SHISA6: variants seen among roughly 807,000 people sequenced by gnomAD.
SHISA6 encodes the protein protein shisa-6.
SHISA6 carries 22 observed loss-of-function variants against 47.9 expected under a neutral mutation model. The ratio of observed to expected loss-of-function variants is 0.46; its 90% CI spans 0.33 to 0.66. SHISA6 has a LOEUF of 0.66. Among genes scored for constraint, SHISA6 ranks in the 30% least tolerant of loss-of-function variants. SHISA6 has a pLI of 0.02. For missense variants in SHISA6, 680 were observed against 764.6 expected (o/e 0.89, Z 1.30); for synonymous variants, 388 against 337.8 (o/e 1.15, Z -1.63).
In SHISA6 at chr17:11,563,520, A is replaced by G. The variant is rs2072065244; in HGVS notation, c.*5216A>G. ...TAATGTTGTGGCTGTGTGTTTCCTT[A>G]ATGCTCTCCCTCCTGAGGGAGGAGA... is the stretch of plus-strand genomic sequence containing the variant. On this transcript the variant is annotated 3_prime_UTR_variant, in exon 6 of 6. Transcript: ENST00000441885. 1 of 152,082 alleles carries G rather than the reference A, an allele frequency of 6.6e-6. No homozygotes were observed. The highest frequency in any genetic ancestry group is 1.5e-5 in the Non-Finnish European group (1 of 68,038). 9.4% of individuals were successfully genotyped at this position (152,082 alleles called of 1,614,324 possible).
At chr17:11,509,331 G>A (rs1438320527) in intron 3 of SHISA6, among the ~76,000 whole-genome samples, 6 of 152,182 alleles carry the variant, frequency 3.9e-5, no homozygotes, top group African/African-American at 7.2e-5. Flanking sequence ...CATAGTCAAC[G>A]ACAGCATCAC....
At chr17:11,326,502 C>CT (rs1910900948) in intron 2 of SHISA6, among the ~76,000 whole-genome samples, 1 of 152,184 alleles carries the variant, frequency 6.6e-6, no homozygotes, top group African/African-American at 2.4e-5. Context: ...ATTCTATGGT[C>CT]TATCAGAAAC....
chr17:11,522,090 C>T (rs552380777), intron 3 of SHISA6, among the ~76,000 whole-genome samples: 308 of 151,364 alleles, frequency 2.0e-3, no homozygotes, highest in Non-Finnish European at 3.6e-3. Context: ...CTCAGCCTCC[C>T]GAGTAGCTGG....
intron 2 of SHISA6, among the ~76,000 whole-genome samples, chr17:11,292,375 G>T (rs151262940): frequency 6.6e-6 from 1 of 151,952 alleles, no homozygotes; most frequent in Non-Finnish European, 1.5e-5. Flanking sequence ...CTTGATAGGT[G>T]CAGGAAAACA....
intron 1 of SHISA6, among the ~76,000 whole-genome samples, chr17:11,245,544 C>G (rs1043840895): frequency 2.0e-5 from 3 of 152,160 alleles, no homozygotes; most frequent in Non-Finnish European, 4.4e-5. Context: ...CCTGTTCCTT[C>G]CTCCTCACCC....
intron 2 of SHISA6, among the ~76,000 whole-genome samples, chr17:11,274,412 G>A (rs1392650439): frequency 1.3e-5 from 2 of 152,232 alleles, no homozygotes; most frequent in Non-Finnish European, 2.9e-5. Context: ...AAGCAACAGA[G>A]CGCGGTGCAG....
intron 3 of SHISA6, among the ~76,000 whole-genome samples, chr17:11,488,089 G>A (rs1161634343): frequency 1.3e-5 from 2 of 152,148 alleles, no homozygotes; most frequent in African/African-American, 2.4e-5. Flanking sequence ...CGTTTCCAAC[G>A]GAGCCAAACT....
intron 2 of SHISA6, among the ~76,000 whole-genome samples, chr17:11,264,784 T>A (rs908318493): frequency 4.6e-5 from 7 of 152,242 alleles, no homozygotes; most frequent in Non-Finnish European, 8.8e-5. Context: ...TTTTCTTAAA[T>A]TTATTACGTC....
chr17:11,329,674 T>C (rs907885145), intron 2 of SHISA6, among the ~76,000 whole-genome samples: 3 of 152,076 alleles, frequency 2.0e-5, no homozygotes, highest in African/African-American at 7.2e-5. Flanking sequence ...GCTTTCCTTA[T>C]GTGGTTTTTT....
intron 3 of SHISA6, among the ~76,000 whole-genome samples, chr17:11,438,116 A>G (rs1310021193): frequency 6.6e-6 from 1 of 152,176 alleles, no homozygotes; most frequent in Non-Finnish European, 1.5e-5. Context: ...GCCCATTGCT[A>G]TATTACTCAT....
At chr17:11,251,785 G>A (rs1472581572) in intron 1 of SHISA6, among the ~76,000 whole-genome samples, 2 of 152,042 alleles carry the variant, frequency 1.3e-5, no homozygotes, top group Non-Finnish European at 1.5e-5. Flanking sequence ...CTCTGTTTCC[G>A]GTTCTCTCAA....
chr17:11,524,599 C>A (rs753366075), intron 3 of SHISA6, among the ~76,000 whole-genome samples: 2 of 151,318 alleles, frequency 1.3e-5, no homozygotes, highest in Non-Finnish European at 2.9e-5. Context: ...CGGGTTCAAG[C>A]GATTTTCCTG....
intron 1 of SHISA6, among the ~76,000 whole-genome samples, chr17:11,244,493 T>C (rs1190624470): frequency 6.6e-6 from 1 of 152,174 alleles, no homozygotes; most frequent in African/African-American, 2.4e-5. Flanking sequence ...AGTGTGCAAG[T>C]TGATCTCAGA....
At chr17:11,490,216 G>T (rs1008203272) in intron 3 of SHISA6, among the ~76,000 whole-genome samples, 1 of 152,196 alleles carries the variant, frequency 6.6e-6, no homozygotes, top group Non-Finnish European at 1.5e-5. Context: ...GATGCATAGC[G>T]TGGGGCTGCA....
intron 3 of SHISA6, among the ~76,000 whole-genome samples, chr17:11,387,211 A>T (rs910219971): frequency 1.3e-5 from 2 of 152,138 alleles, no homozygotes; most frequent in Admixed American, 1.3e-4. Flanking sequence ...TCGTCATCCC[A>T]TCCAAATAAT....
chr17:11,300,984 T>G (rs1909906004), intron 2 of SHISA6, among the ~76,000 whole-genome samples: 1 of 151,284 alleles, frequency 6.6e-6, no homozygotes, highest in Non-Finnish European at 1.5e-5. Flanking sequence ...ACAAACAGCC[T>G]TTAATACCAG....
At chr17:11,333,356 G>A (rs1321464022) in intron 2 of SHISA6, among the ~76,000 whole-genome samples, 1 of 152,066 alleles carries the variant, frequency 6.6e-6, no homozygotes, top group Non-Finnish European at 1.5e-5. Context: ...TCCAGCGTGG[G>A]GCAGTTGCCA....
At chr17:11,388,748 G>A (rs1156835298) in intron 3 of SHISA6, among the ~76,000 whole-genome samples, 1 of 124,888 alleles carries the variant, frequency 8.0e-6, no homozygotes, top group Admixed American at 9.0e-5. Flanking sequence ...CTGTAGGAAT[G>A]GTAAGTTTTA....
chr17:11,502,447 G>T lies in SHISA6; in HGVS notation c.896-49449G>T, dbSNP rs952325855. ...AAAAAAAAAAAGACTAAAAACATCG[G>T]CCAGGTGCAGTGGCTCACAGCCGTA... is the stretch of plus-strand genomic sequence containing the variant. On this transcript the variant is annotated intron_variant, in intron 3 of 5. Coordinates refer to ENST00000441885, the MANE Select transcript of SHISA6 (RefSeq NM_207386.4). Among the ~76,000 whole-genome samples the T allele has an allele frequency of 1.4e-4, 20 of 139,368 alleles. No homozygotes were observed. In the Admixed American group the frequency reaches 1.5e-3, roughly 11 times the overall value. The allele number at this position is 139,368 out of a possible 152,430, so 91.4% of individuals were successfully genotyped here.
Sources: gnomAD v4.1 joint callset for allele counts (sites outside exome capture counted in the v4.1 genomes callset) on GRCh38, gnomAD v4.1.1 for gene constraint, MANE v1.5 for transcripts, NCBI Gene and HGNC (gene_info 2026-07-23, HGNC 2026-07-21) for gene names.